The following LRBA variants were observed in gnomAD, a reference collection of about 807,000 sequenced individuals.
The protein encoded by LRBA is lipopolysaccharide-responsive and beige-like anchor protein.
LRBA carries 176 observed loss-of-function variants against 330.0 expected under a neutral mutation model. That is an observed-to-expected ratio of 0.53 (90% confidence interval 0.47 to 0.60). The LOEUF is 0.60. LRBA is among the 20% of genes least tolerant of loss of function. LRBA has a pLI of 0.00. For synonymous variants in LRBA, 1,230 were observed against 1,193.0 expected (o/e 1.03, Z -0.64); for missense variants, 3,259 against 3,444.8 (o/e 0.95, Z 1.35).
At chr4:150,799,042 T>C (rs1237066881) in intron 33 of LRBA, among the ~76,000 whole-genome samples, 2 of 152,178 alleles carry the variant, frequency 1.3e-5, no homozygotes, top group African/African-American at 4.8e-5. Context: ...ATCCATTCCC[T>C]TTGTCTTTTT....
chr4:150,800,680 A>G (rs995269245), intron 33 of LRBA, among the ~76,000 whole-genome samples: 6 of 152,170 alleles, frequency 3.9e-5, no homozygotes, highest in Admixed American at 3.9e-4. Context: ...CACACACCCT[A>G]TTACTGTCTC....
At chr4:150,679,189 C>T (rs934287951) in intron 37 of LRBA, among the ~76,000 whole-genome samples, 3 of 152,130 alleles carry the variant, frequency 2.0e-5, no homozygotes, top group Non-Finnish European at 4.4e-5. Flanking sequence ...CAACACCACC[C>T]TAGCCATAGC....
intron 9 of LRBA, among the ~76,000 whole-genome samples, chr4:150,910,549 T>C (rs1014508413): frequency 2.0e-5 from 3 of 152,166 alleles, no homozygotes; most frequent in African/African-American, 4.8e-5. Context: ...AAGTCTAACG[T>C]TGTTTTCATT....
intron 44 of LRBA, among the ~76,000 whole-genome samples, chr4:150,441,689 T>TA (rs1751860231): frequency 6.6e-6 from 1 of 152,080 alleles, no homozygotes; most frequent in South Asian, 2.1e-4. Context: ...ATTTTAATAA[T>TA]AAAGAAATGA....
At chr4:150,875,439 A>G (rs1753903956) in intron 17 of LRBA, among the ~76,000 whole-genome samples, 1 of 151,934 alleles carries the variant, frequency 6.6e-6, no homozygotes, top group South Asian at 2.1e-4. Context: ...TCAGACCACC[A>G]TGCACTACAC....
intron 40 of LRBA, among the ~76,000 whole-genome samples, chr4:150,498,724 A>G (rs1759880842): frequency 2.0e-5 from 3 of 152,224 alleles, no homozygotes; most frequent in Non-Finnish European, 4.4e-5. Flanking sequence ...AAACAAAGCC[A>G]CAATGTCAAT....
intron 44 of LRBA, among the ~76,000 whole-genome samples, chr4:150,444,169 G>T (rs1752282509): frequency 6.6e-6 from 1 of 151,764 alleles, no homozygotes; most frequent in Admixed American, 6.6e-5. Context: ...TTTAAAAAAT[G>T]TGAACAAAAA....
intron 37 of LRBA, among the ~76,000 whole-genome samples, chr4:150,678,244 G>GA (rs558047933): frequency 0.016 from 1,212 of 75,776 alleles, 9 homozygotes; most frequent in African/African-American, 0.04. Flanking sequence ...CTGTCTCCAA[G>GA]AAAAAAAAAA....
chr4:150,639,813 GTGTGTGTATATATATATATA>G (rs1469150280), intron 37 of LRBA, among the ~76,000 whole-genome samples: 181 of 7,262 alleles, frequency 0.025, 26 homozygotes, highest in East Asian at 0.11. Context: ...ATATGTGTGT[GTGTGTGTATATATATATATA>G]TATATATATA....
At chr4:150,728,699 G>A (rs1314850893) in intron 36 of LRBA, among the ~76,000 whole-genome samples, 1 of 151,120 alleles carries the variant, frequency 6.6e-6, no homozygotes. Flanking sequence ...AATGGAATAT[G>A]CCTTAACATA....
chr4:150,503,064 C>A (rs1456973679), intron 40 of LRBA, among the ~76,000 whole-genome samples: 1 of 152,222 alleles, frequency 6.6e-6, no homozygotes, highest in East Asian at 1.9e-4. Flanking sequence ...GAAGCTCGAA[C>A]TGGGTGGAGG....
At chr4:150,821,776 C>T (rs1745479685) in intron 30 of LRBA, among the ~76,000 whole-genome samples, 1 of 152,182 alleles carries the variant, frequency 6.6e-6, no homozygotes, top group African/African-American at 2.4e-5. Context: ...CTGGCATTCA[C>T]TAATCATCAG....
At chr4:150,432,120 AT>A (rs1233287761) in intron 46 of LRBA, among the ~76,000 whole-genome samples, 6 of 152,004 alleles carry the variant, frequency 3.9e-5, no homozygotes, top group Non-Finnish European at 7.4e-5. Flanking sequence ...CCCTATTCTT[AT>A]TTTTTTCTTT....
At chr4:151,007,806 G>A (rs1424817621) in intron 2 of LRBA, among the ~76,000 whole-genome samples, 6 of 148,366 alleles carry the variant, frequency 4.0e-5, no homozygotes, top group Admixed American at 6.8e-5. Context: ...GCAGTGAGCC[G>A]AGATCGCACC....
At chr4:150,605,276 T>C (rs969918594) in intron 37 of LRBA, among the ~76,000 whole-genome samples, 4 of 152,222 alleles carry the variant, frequency 2.6e-5, no homozygotes, top group African/African-American at 9.7e-5. Flanking sequence ...TTAGTGTCAT[T>C]TTAATGTAAC....
intron 37 of LRBA, among the ~76,000 whole-genome samples, chr4:150,653,883 G>GA (rs918752047): frequency 1.3e-5 from 2 of 151,934 alleles, no homozygotes; most frequent in African/African-American, 4.8e-5. Flanking sequence ...TAAATACATT[G>GA]AAAGACTGTC....
At chr4:151,008,601 A>T (rs1392115454) in intron 2 of LRBA, among the ~76,000 whole-genome samples, 1 of 151,994 alleles carries the variant, frequency 6.6e-6, no homozygotes, top group Non-Finnish European at 1.5e-5. Context: ...TGAAAAAAAA[A>T]ATCACCATAT....
At chr4:150,336,112 T>C (rs1258451447) in intron 48 of LRBA, among the ~76,000 whole-genome samples, 1 of 152,238 alleles carries the variant, frequency 6.6e-6, no homozygotes, top group East Asian at 1.9e-4. Flanking sequence ...GTGTGTTACA[T>C]AGGTAAACTT....
intron 36 of LRBA, among the ~76,000 whole-genome samples, chr4:150,720,104 G>A (rs1311140498): frequency 6.6e-6 from 1 of 152,078 alleles, no homozygotes; most frequent in Non-Finnish European, 1.5e-5. Flanking sequence ...GCTTTACACA[G>A]AGAATGGAGA....
Sources: allele counts gnomAD v4.1 joint callset (sites outside exome capture counted in the v4.1 genomes callset), GRCh38; gene constraint gnomAD v4.1.1; transcripts MANE v1.5; gene names NCBI Gene and HGNC (gene_info 2026-07-23, HGNC 2026-07-21).